Variants in COG5 observed in about 807,000 individuals in gnomAD.
COG5 encodes conserved oligomeric Golgi complex subunit 5.
In COG5, 86 loss-of-function variants were observed where a neutral mutation model predicts 110.4. The ratio of observed to expected loss-of-function variants is 0.78; its 90% CI spans 0.65 to 0.93. The LOEUF (loss-of-function observed/expected upper bound fraction) is 0.93, where lower values mean the gene tolerates loss of function less well. COG5 is among the 40% of genes least tolerant of loss of function. The probability of loss-of-function intolerance (pLI) is 0.00; values close to 1 mark genes in which losing one functional copy is unlikely to be tolerated. For synonymous variants in COG5, 360 were observed against 334.6 expected (o/e 1.08, Z -0.83); for missense variants, 1,077 against 987.0 (o/e 1.09, Z -1.22).
chr7:107,556,286 G>C (rs2129178314), intron 2 of COG5, among the ~76,000 whole-genome samples: 1 of 152,258 alleles, frequency 6.6e-6, no homozygotes, highest in South Asian at 2.1e-4. Flanking sequence ...TCTGTATGAA[G>C]TGTCTTTCTT....
chr7:107,400,469 A>G (rs569080802), intron 7 of COG5, among the ~76,000 whole-genome samples: 2 of 152,304 alleles, frequency 1.3e-5, no homozygotes, highest in East Asian at 1.9e-4. Flanking sequence ...AATCATATAG[A>G]TTTATACAAG....
chr7:107,409,882 T>C (rs1792149123), intron 7 of COG5, among the ~76,000 whole-genome samples: 1 of 152,054 alleles, frequency 6.6e-6, no homozygotes, highest in Non-Finnish European at 1.5e-5. Flanking sequence ...AGGTTTACAG[T>C]GAATAAAGAA....
intron 7 of COG5, among the ~76,000 whole-genome samples, chr7:107,400,203 G>A (rs1005228354): frequency 5.3e-5 from 8 of 152,038 alleles, no homozygotes; most frequent in Admixed American, 4.6e-4. Context: ...ACTTCCATAA[G>A]TAATGACATA....
At chr7:107,357,974 C>G (rs572541245) in intron 10 of COG5, among the ~76,000 whole-genome samples, 1 of 152,162 alleles carries the variant, frequency 6.6e-6, no homozygotes, top group South Asian at 2.1e-4. Flanking sequence ...TGGACTCATA[C>G]GCATTTAAAA....
At chr7:107,259,690 CTT>C (rs921789640) in intron 14 of COG5, among the ~76,000 whole-genome samples, 15 of 152,124 alleles carry the variant, frequency 9.9e-5, no homozygotes, top group African/African-American at 3.6e-4. Flanking sequence ...TCTTACTTCT[CTT>C]GAGATTCTCT....
At chr7:107,312,868 A>G (rs1000965735) in intron 11 of COG5, among the ~76,000 whole-genome samples, 4 of 152,196 alleles carry the variant, frequency 2.6e-5, no homozygotes, top group Non-Finnish European at 4.4e-5. Context: ...AAACTAACAA[A>G]GCTTTTAGGG....
At chr7:107,532,917 A>T (rs1020949731) in intron 5 of COG5, among the ~76,000 whole-genome samples, 12 of 152,248 alleles carry the variant, frequency 7.9e-5, no homozygotes, top group African/African-American at 2.6e-4. Context: ...ATTACACACT[A>T]TTCTTTATAA....
At chr7:107,239,796 TC>T (rs781072615) in intron 17 of COG5, among the ~76,000 whole-genome samples, 1 of 152,240 alleles carries the variant, frequency 6.6e-6, no homozygotes, top group Non-Finnish European at 1.5e-5. Context: ...CGAAGATTTC[TC>T]CTATTATTGA....
chr7:107,563,513 G>C, intron 1 of COG5: 2 of 472,954 alleles, frequency 4.2e-6, no homozygotes, highest in Non-Finnish European at 3.9e-6. Context: ...ACAGGGTTTG[G>C]GCTCCCGAAA....
In COG5 at chr7:107,210,959, T is replaced by A. The variant is rs991846147; in HGVS notation, c.2295+140A>T. ...CAGTGGGAGTTTTCCTTTTCTAATA[T>A]CTATTCACTGTCAAAGATAGACATA... On this transcript the variant is annotated intron_variant, in intron 20 of 21. Coordinates refer to ENST00000297135, the MANE Select transcript of COG5 (RefSeq NM_006348.5). The A allele has an allele frequency of 7.9e-5, 83 of 1,046,328 alleles. No homozygotes were observed. The East Asian group carries it at 2.0e-3, about 25-fold the overall frequency. 64.8% of individuals were successfully genotyped at this position (1,046,328 alleles called of 1,614,324 possible). A position where few individuals can be genotyped will look rare whatever the true frequency, so the allele number is the denominator to read the frequency against.
chr7:107,351,787 C>T (rs1235958202), intron 10 of COG5, among the ~76,000 whole-genome samples: 39 of 149,932 alleles, frequency 2.6e-4, no homozygotes, highest in African/African-American at 8.1e-4. Context: ...GCTAGAATGG[C>T]GATCATTAAA....
intron 12 of COG5, among the ~76,000 whole-genome samples, chr7:107,286,604 C>A (rs1225247220): frequency 6.6e-6 from 1 of 152,168 alleles, no homozygotes; most frequent in African/African-American, 2.4e-5. Context: ...AAAGTAATAA[C>A]CTAAAATTCT....
At position 107,258,294 on chromosome 7, in the gene COG5, C is replaced by T; in HGVS notation, c.1665G>A (p.Lys555=). The T allele has an allele frequency of 6.2e-7, 1 of 1,609,220 alleles. No individual in the cohort carries two copies. ...TTACCTTTGTTACTGATTGGTGCAA[C>T]TTATACAATGAATTCACTACTGCCA... ...RNVAVVNSLY[K]LHQSVTKVVS... Residue 555 remains lysine, a synonymous_variant, in exon 15 of 22, where the codon AAG becomes AAA. Coordinates refer to ENST00000297135, the MANE Select transcript of COG5 (RefSeq NM_006348.5).
chr7:107,387,574 C>T (rs185069073), intron 7 of COG5, among the ~76,000 whole-genome samples: 12 of 152,348 alleles, frequency 7.9e-5, no homozygotes, highest in East Asian at 7.7e-4. Flanking sequence ...CTCTCTCTTA[C>T]CCCTAATGTG....
intron 17 of COG5, among the ~76,000 whole-genome samples, chr7:107,239,570 T>G (rs1162243059): frequency 6.6e-6 from 1 of 152,206 alleles, no homozygotes; most frequent in Non-Finnish European, 1.5e-5. Context: ...CAATATTCTT[T>G]CAATTCATGA....
At chr7:107,254,239 A>G (rs1802723101) in intron 16 of COG5, among the ~76,000 whole-genome samples, 1 of 152,162 alleles carries the variant, frequency 6.6e-6, no homozygotes, top group Admixed American at 6.6e-5. Flanking sequence ...TATGTTTAAT[A>G]TCTTCTCTAT....
At chr7:107,273,812 G>GA (rs890469507) in intron 14 of COG5, among the ~76,000 whole-genome samples, 39 of 151,560 alleles carry the variant, frequency 2.6e-4, no homozygotes, top group African/African-American at 8.0e-4. Flanking sequence ...CTGGAATGAA[G>GA]AAAAAAAATT....
chr7:107,562,182 G>A (rs1803858653), intron 1 of COG5, among the ~76,000 whole-genome samples: 1 of 152,178 alleles, frequency 6.6e-6, no homozygotes, highest in Non-Finnish European at 1.5e-5. Flanking sequence ...AGCTTGAAGC[G>A]AAAGGTTTGA....
At chr7:107,340,237 T>C (rs1487420794) in intron 10 of COG5, among the ~76,000 whole-genome samples, 2 of 152,116 alleles carry the variant, frequency 1.3e-5, no homozygotes, top group African/African-American at 2.4e-5. Context: ...CAGAGACTAT[T>C]AGGAACATCT....
Sources: gnomAD v4.1 joint callset for allele counts (sites outside exome capture counted in the v4.1 genomes callset) on GRCh38, gnomAD v4.1.1 for gene constraint, MANE v1.5 for transcripts, NCBI Gene and HGNC (gene_info 2026-07-23, HGNC 2026-07-21) for gene names.